Variants in HS3ST1 observed in about 807,000 individuals in gnomAD.
HS3ST1 encodes the protein heparan sulfate glucosamine 3-O-sulfotransferase 1.
In HS3ST1, 8 loss-of-function variants were observed where a neutral mutation model predicts 20.7. That is an observed-to-expected ratio of 0.39 (90% CI 0.23 to 0.70). The LOEUF (loss-of-function observed/expected upper bound fraction) is 0.70. Ranked by LOEUF, HS3ST1 falls within the 30% of genes least tolerant of loss-of-function variation. The probability of loss-of-function intolerance (pLI) is 0.46; values close to 1 mark genes in which losing one functional copy is unlikely to be tolerated. For missense variants in HS3ST1, 436 were observed against 423.4 expected, an observed-to-expected ratio of 1.03 and a Z score of -0.26; for synonymous variants, 205 against 190.4, an observed-to-expected ratio of 1.08 and a Z score of -0.63.
At chr4:11,426,455 G>T (rs570591969) in intron 1 of HS3ST1, among the ~76,000 whole-genome samples, 7 of 147,734 alleles carry the variant, frequency 4.7e-5, no homozygotes, top group African/African-American at 7.9e-5. Flanking sequence ...GGGGACCCAG[G>T]GGGGGGGCTT....
In HS3ST1 at chr4:11,397,018, G is replaced by A. The variant is rs569494990; in HGVS notation, c.*2064C>T. 6.6e-6 allele frequency: 1 copy of A among 152,372 alleles called. No homozygotes were observed. Among genetic ancestry groups the A allele is most frequent in the Non-Finnish European group, 1.5e-5 (1 of 68,058 alleles). 9.4% of individuals were successfully genotyped at this position (152,372 alleles called of 1,614,324 possible). ...TTGCAAAGAGCATCTTCTTCAGTCAGAGACTCTCATTGCAGTTTCCTTTCA... is the reference window on the plus strand; with the variant it reads ...TTGCAAAGAGCATCTTCTTCAGTCAAAGACTCTCATTGCAGTTTCCTTTCA... On this transcript the variant is annotated 3_prime_UTR_variant, in exon 2 of 2. Coordinates refer to ENST00000002596, the MANE Select transcript of HS3ST1 (RefSeq NM_005114.4).
At chr4:11,406,769 T>C (rs1443618718) in intron 1 of HS3ST1, among the ~76,000 whole-genome samples, 1 of 152,184 alleles carries the variant, frequency 6.6e-6, no homozygotes, top group Non-Finnish European at 1.5e-5. Flanking sequence ...GAGAACTGCT[T>C]CTTTCCAAGA....
In HS3ST1 at chr4:11,397,751, G is replaced by A. The variant is rs933458518; in HGVS notation, c.*1331C>T. On this transcript the variant is annotated 3_prime_UTR_variant, in exon 2 of 2. Coordinates refer to ENST00000002596, the MANE Select transcript of HS3ST1 (RefSeq NM_005114.4). Reference sequence around the variant, plus strand: ...TTAAGTGTAGGAGATGATTAATAACGTCCATTTCTGTCATTTTCCTGCGGT... The same window carrying A: ...TTAAGTGTAGGAGATGATTAATAACATCCATTTCTGTCATTTTCCTGCGGT... The A allele has an allele frequency of 2.6e-5, 4 of 152,072 alleles. No individual in the cohort carries two copies. Among genetic ancestry groups the A allele is most frequent in the East Asian group, 1.9e-4 (1 of 5,192 alleles). 9.4% of individuals were successfully genotyped at this position (152,072 alleles called of 1,614,324 possible).
intron 1 of HS3ST1, among the ~76,000 whole-genome samples, chr4:11,419,740 G>GA (rs1718878092): frequency 6.6e-6 from 1 of 152,112 alleles, no homozygotes; most frequent in African/African-American, 2.4e-5. Flanking sequence ...AATATAATTT[G>GA]AAAAAACAAA....
chr4:11,423,052 G>A (rs1718978819), intron 1 of HS3ST1, among the ~76,000 whole-genome samples: 1 of 73,166 alleles, frequency 1.4e-5, no homozygotes, highest in African/African-American at 6.0e-5. Flanking sequence ...AAAAAAAAGT[G>A]CTGAACGTCA....
intron 1 of HS3ST1, among the ~76,000 whole-genome samples, chr4:11,422,093 G>GTAT (rs1431385588): frequency 2.0e-5 from 3 of 152,224 alleles, no homozygotes; most frequent in Admixed American, 6.5e-5. Flanking sequence ...CAAAGCGCTT[G>GTAT]TATTAATATG....
At chr4:11,409,409 T>TG (rs1385754000) in intron 1 of HS3ST1, among the ~76,000 whole-genome samples, 1 of 149,708 alleles carries the variant, frequency 6.7e-6, no homozygotes, top group Admixed American at 6.6e-5. Flanking sequence ...GGGCTTTAGA[T>TG]GATCGGATTT....
chr4:11,400,083 G>T lies in HS3ST1; in HGVS notation c.-78C>A. 2 of 1,431,358 alleles carry T rather than the reference G, an allele frequency of 1.4e-6. No homozygotes were observed. The highest frequency in any genetic ancestry group is 1.4e-5 in the African/African-American group (1 of 69,676). The allele number at this position is 1,431,358 out of a possible 1,614,324, so 88.7% of individuals were successfully genotyped here. ...CCGCAGCAGGGAAGCCTCCTAGTCAGTGGCACATGGGCGTTTCAGGCCTTC... is the reference window on the plus strand; with the variant it reads ...CCGCAGCAGGGAAGCCTCCTAGTCATTGGCACATGGGCGTTTCAGGCCTTC... On this transcript the variant is annotated 5_prime_UTR_variant, in exon 2 of 2. In the 5' UTR this introduces an upstream ATG that the reference lacks. Transcript: ENST00000002596.
At chr4:11,404,250 A>G (rs1718403560) in intron 1 of HS3ST1, among the ~76,000 whole-genome samples, 1 of 152,116 alleles carries the variant, frequency 6.6e-6, no homozygotes, top group Admixed American at 6.5e-5. Flanking sequence ...GGGTTTCGCC[A>G]TGTTGGTCAG....
At position 11,396,024 on chromosome 4, in the gene HS3ST1, T is replaced by G. The variant is rs1718135448; in HGVS notation, c.*3058A>C. On this transcript the variant is annotated 3_prime_UTR_variant, in exon 2 of 2. Coordinates refer to ENST00000002596, the MANE Select transcript of HS3ST1 (RefSeq NM_005114.4). ...TATTCTTGAGGACTCAATACCATGT[T>G]GAGCATGTGGTAGGGGATCAAAAAA... 6.6e-6 allele frequency: 1 copy of G among 151,874 alleles called. No homozygotes were observed. Among genetic ancestry groups the G allele is most frequent in the Non-Finnish European group, 1.5e-5 (1 of 67,960 alleles). 9.4% of individuals were successfully genotyped at this position (151,874 alleles called of 1,614,324 possible). A position where few individuals can be genotyped will look rare whatever the true frequency, so the allele number is the denominator to read the frequency against.
At chr4:11,410,898 T>A (rs142344824) in intron 1 of HS3ST1, among the ~76,000 whole-genome samples, 5 of 21,372 alleles carry the variant, frequency 2.3e-4, no homozygotes, top group African/African-American at 5.3e-4. Flanking sequence ...TCTCAAAAAA[T>A]AAATAAATAA....
At chr4:11,401,650 C>A (rs572010016) in intron 1 of HS3ST1, among the ~76,000 whole-genome samples, 1 of 152,292 alleles carries the variant, frequency 6.6e-6, no homozygotes, top group South Asian at 2.1e-4. Flanking sequence ...GGCCTGTCAC[C>A]ACCATTTTAT....
chr4:11,399,428 C>G lies in HS3ST1; in HGVS notation c.578G>C (p.Arg193Pro). 6.2e-7 allele frequency: 1 copy of G among 1,613,926 alleles called. No individual in the cohort carries two copies. The highest frequency in any genetic ancestry group is 8.5e-7 in the Non-Finnish European group (1 of 1,179,982). ...CTGCATGTGCACGTGGTAGAGGCTG[C>G]GGTTGAGGGCCTTGTAGTCCACATT... ...RLNVDYKALN[R>P]SLYHVHMQNW... is the part of the protein sequence containing the mutation. The change falls in exon 2 of 2, where the codon CGC becomes CCC. Residue 193 changes from arginine to proline, a missense_variant. Physicochemically the swap from Arg to Pro is moderately radical, Grantham distance 103 (BLOSUM62 -2). Transcript: ENST00000002596. The surrounding 1 kb of genome is among the most constrained non-coding windows in gnomAD (Gnocchi z 5.1).
At chr4:11,426,789 T>C (rs148065720) in intron 1 of HS3ST1, among the ~76,000 whole-genome samples, 2 of 152,382 alleles carry the variant, frequency 1.3e-5, no homozygotes, top group Admixed American at 6.5e-5. Context: ...AAGACTCTTT[T>C]AGAAGCTGTT....
chr4:11,402,346 A>G (rs78561678), intron 1 of HS3ST1, among the ~76,000 whole-genome samples: 1,676 of 152,368 alleles, frequency 0.011, 17 homozygotes, highest in Non-Finnish European at 0.019. Context: ...AGGATAGCCA[A>G]GAACGATGAG....
intron 1 of HS3ST1, among the ~76,000 whole-genome samples, chr4:11,406,856 CTT>C (rs879811968): frequency 8.3e-5 from 12 of 144,492 alleles, no homozygotes; most frequent in African/African-American, 2.5e-4. Context: ...ACAAAACTGT[CTT>C]TTTTTTTTTT....
intron 1 of HS3ST1, among the ~76,000 whole-genome samples, chr4:11,419,217 C>T (rs373105423): frequency 6.6e-6 from 1 of 152,082 alleles, no homozygotes; most frequent in Non-Finnish European, 1.5e-5. Flanking sequence ...ACTTTTTCTG[C>T]ATCTTCCCCC....
Position 11,417,947 on chromosome 4 carries a change from T to G in HS3ST1, c.-109+10752A>C, listed in dbSNP as rs182578553. On this transcript the variant is annotated intron_variant, in intron 1 of 1. Coordinates refer to ENST00000002596, the MANE Select transcript of HS3ST1 (RefSeq NM_005114.4). Reference sequence around the variant, plus strand: ...ACCATATTCGATTCATTTTCCTCTTTCACTGCTTCAAATGTCTTTGTGCCT... The same window carrying G: ...ACCATATTCGATTCATTTTCCTCTTGCACTGCTTCAAATGTCTTTGTGCCT... 4.0e-3 allele frequency among the ~76,000 whole-genome samples: 606 copies of G among 152,356 alleles called. 23 individuals carry two copies. The highest frequency in any genetic ancestry group is 3.7e-3 in the Non-Finnish European group (255 of 68,036).
At chr4:11,401,564 G>A (rs1243916910) in intron 1 of HS3ST1, among the ~76,000 whole-genome samples, 6 of 152,152 alleles carry the variant, frequency 3.9e-5, no homozygotes, top group Admixed American at 1.3e-4. Flanking sequence ...GGCTGGTCTC[G>A]AAATCCCACC....
Sources: allele counts gnomAD v4.1 joint callset (sites outside exome capture counted in the v4.1 genomes callset), GRCh38; gene constraint gnomAD v4.1.1; non-coding constraint Gnocchi (gnomAD v3.1); transcripts MANE v1.5; gene names NCBI Gene and HGNC (gene_info 2026-07-23, HGNC 2026-07-21).